The following DSCAM variants were observed in gnomAD, a reference collection of about 807,000 sequenced individuals.
DSCAM encodes the protein cell adhesion molecule DSCAM.
DSCAM carries 47 observed loss-of-function variants against 217.7 expected under a neutral mutation model. The ratio of observed to expected loss-of-function variants is 0.22; its 90% CI spans 0.17 to 0.28. DSCAM has a LOEUF of 0.28. Ranked by LOEUF, DSCAM falls within the 10% of genes least tolerant of loss-of-function variation. The probability of loss-of-function intolerance (pLI) is 1.00; values close to 1 mark genes in which losing one functional copy is unlikely to be tolerated. For missense variants in DSCAM, 2,080 were observed against 2,618.3 expected (o/e 0.79, Z 4.49); for synonymous variants, 1,056 against 1,015.3 (o/e 1.04, Z -0.76).
At chr21:40,763,280 G>A (rs2091354846) in intron 1 of DSCAM, among the ~76,000 whole-genome samples, 1 of 152,088 alleles carries the variant, frequency 6.6e-6, no homozygotes, top group Admixed American at 6.5e-5. Flanking sequence ...AAAATCACAA[G>A]CACTCCTATA....
intron 16 of DSCAM, among the ~76,000 whole-genome samples, chr21:40,146,320 G>A (rs2090357086): frequency 6.6e-6 from 1 of 152,064 alleles, no homozygotes; most frequent in African/African-American, 2.4e-5. Flanking sequence ...GGGGTGAGTG[G>A]AGCCTGCAAA....
chr21:40,563,712 T>TTATGTTTATATCTGTTTA (rs1555858228), intron 3 of DSCAM, among the ~76,000 whole-genome samples: 16 of 137,450 alleles, frequency 1.2e-4, no homozygotes, highest in African/African-American at 4.4e-4. Flanking sequence ...GTGTATATAG[T>TTATGTTTATATCTGTTTA]TATGTTTATA....
intron 3 of DSCAM, chr21:40,384,919 A>G (rs1258848378): frequency 6.6e-6 from 1 of 152,190 alleles, no homozygotes; most frequent in African/African-American, 2.4e-5. Flanking sequence ...AAAATTGATC[A>G]TTGTTAACAT....
intron 1 of DSCAM, among the ~76,000 whole-genome samples, chr21:40,713,820 G>T (rs975533331): frequency 7.9e-5 from 12 of 152,174 alleles, no homozygotes; most frequent in African/African-American, 2.9e-4. Context: ...GAAGTAGGGA[G>T]CAGAATAGAG....
chr21:40,819,412 C>T (rs1601307489), intron 1 of DSCAM, among the ~76,000 whole-genome samples: 2 of 146,152 alleles, frequency 1.4e-5, no homozygotes, highest in East Asian at 3.9e-4. Context: ...ATTGGATTTT[C>T]ACCCTATAAG....
At chr21:40,197,073 T>C (rs1165065659) in intron 11 of DSCAM, among the ~76,000 whole-genome samples, 1 of 152,172 alleles carries the variant, frequency 6.6e-6, no homozygotes, top group African/African-American at 2.4e-5. Context: ...TTGGAATTAA[T>C]TTCTACTTGA....
intron 1 of DSCAM, among the ~76,000 whole-genome samples, chr21:40,763,168 C>A (rs923753838): frequency 6.6e-6 from 1 of 152,012 alleles, no homozygotes; most frequent in Non-Finnish European, 1.5e-5. Flanking sequence ...TGTGTGCAGA[C>A]GACATGATTG....
intron 20 of DSCAM, among the ~76,000 whole-genome samples, chr21:40,110,723 AC>A (rs1307021373): frequency 6.7e-6 from 1 of 149,192 alleles, no homozygotes; most frequent in Non-Finnish European, 1.5e-5. Context: ...TCCTTAAAGG[AC>A]CTGATGGAGC....
At chr21:40,627,093 G>A (rs796574768) in intron 3 of DSCAM, among the ~76,000 whole-genome samples, 3 of 152,324 alleles carry the variant, frequency 2.0e-5, no homozygotes, top group African/African-American at 7.2e-5. Context: ...ACTGAGGACA[G>A]AAGCCATATC....
chr21:40,708,836 T>A, intron 1 of DSCAM, 65 bp from the exon 2 acceptor site: 1 of 1,189,060 alleles, frequency 8.4e-7, no homozygotes, highest in Non-Finnish European at 1.1e-6. Flanking sequence ...TGCAGTTCAA[T>A]GTCTGGCCTC....
In DSCAM at chr21:40,832,155, GTCAT is replaced by G. The variant is rs1292024404; in HGVS notation, c.43+14460_43+14463del. ...TGAACAGAGGCGTAGTCCTCAGTCTGTCATTCAACAATTGTGTGACCATGAGCAC... is the reference window on the plus strand; with the variant it reads ...TGAACAGAGGCGTAGTCCTCAGTCTGTCAACAATTGTGTGACCATGAGCAC... On this transcript the variant is annotated intron_variant, in intron 1 of 32. Coordinates refer to ENST00000400454, the MANE Select transcript of DSCAM (RefSeq NM_001389.5). 5.3e-5 allele frequency among the ~76,000 whole-genome samples: 8 copies of G among 152,300 alleles called. No individual in the cohort carries two copies. The East Asian group carries it at 1.4e-3, about 26-fold the overall frequency.
At chr21:40,161,966 A>G (rs1011016577) in intron 16 of DSCAM, among the ~76,000 whole-genome samples, 1 of 152,228 alleles carries the variant, frequency 6.6e-6, no homozygotes, top group Non-Finnish European at 1.5e-5. Flanking sequence ...ATTTGGAAAG[A>G]AAAGGATACT....
At chr21:40,745,232 G>T (rs1306575433) in intron 1 of DSCAM, among the ~76,000 whole-genome samples, 1 of 152,104 alleles carries the variant, frequency 6.6e-6, no homozygotes, top group African/African-American at 2.4e-5. Flanking sequence ...GTTCTAGAAA[G>T]CATGTTTAAG....
chr21:40,393,177 C>T (rs1451557404), intron 3 of DSCAM, among the ~76,000 whole-genome samples: 2 of 152,062 alleles, frequency 1.3e-5, no homozygotes, highest in African/African-American at 4.8e-5. Flanking sequence ...GGTATACTGC[C>T]AAAGAAAGGT....
At chr21:40,485,091 T>G (rs1380770342) in intron 3 of DSCAM, among the ~76,000 whole-genome samples, 1 of 152,056 alleles carries the variant, frequency 6.6e-6, no homozygotes, top group African/African-American at 2.4e-5. Flanking sequence ...TTCCTCCGCC[T>G]ACATCAATTT....
At chr21:40,818,145 A>G (rs1313510356) in intron 1 of DSCAM, among the ~76,000 whole-genome samples, 3 of 149,116 alleles carry the variant, frequency 2.0e-5, no homozygotes, top group Non-Finnish European at 4.4e-5. Context: ...CCCGGTGATG[A>G]AAGCTCCTTG....
chr21:40,709,934 GAACT>G (rs1330195857), intron 1 of DSCAM, among the ~76,000 whole-genome samples: 5 of 152,148 alleles, frequency 3.3e-5, no homozygotes, highest in African/African-American at 1.2e-4. Flanking sequence ...CACAATGGTT[GAACT>G]AATTTACACT....
chr21:40,697,036 C>T (rs1483805967), intron 2 of DSCAM, among the ~76,000 whole-genome samples: 1 of 152,144 alleles, frequency 6.6e-6, no homozygotes, highest in African/African-American at 2.4e-5. Flanking sequence ...TTATACCCCT[C>T]AGCCAACTAC....
Position 40,234,050 on chromosome 21 carries a change from A to G in DSCAM, c.2356+42047T>C, listed in dbSNP as rs151195447. On this transcript the variant is annotated intron_variant, in intron 11 of 32. Coordinates refer to ENST00000400454, the MANE Select transcript of DSCAM (RefSeq NM_001389.5). The stretch of plus-strand genomic sequence containing the variant: ...CTTAACCAGAAGGCCCATGCTGGGA[A>G]TGTACAACAGCTCTTGTCACAGAGT... Among the ~76,000 whole-genome samples, 372 of 152,334 alleles carry G rather than the reference A, an allele frequency of 2.4e-3. 1 individual carries two copies. Among genetic ancestry groups the G allele is most frequent in the South Asian group, 4.8e-3 (23 of 4,828 alleles).
Sources: gnomAD v4.1 joint callset for allele counts (sites outside exome capture counted in the v4.1 genomes callset) on GRCh38, gnomAD v4.1.1 for gene constraint, MANE v1.5 for transcripts, NCBI Gene and HGNC (gene_info 2026-07-23, HGNC 2026-07-21) for gene names.